Variants in TMEM217 observed in about 807,000 individuals in gnomAD.
The protein encoded by TMEM217 is chromosome 6 open reading frame 128.
For synonymous variants in TMEM217, 76 were observed against 88.3 expected, an observed-to-expected ratio of 0.86 and a Z score of 0.78; for missense variants, 204 against 248.8, an observed-to-expected ratio of 0.82 and a Z score of 1.21.
rs116597593 is a variant in TMEM217 at position 37,247,673 on chromosome 6, C to T, written c.-12+9895G>A. ...AGTGCTGGGATTACAGGCATGAACC[C>T]GGCAAGGGCAAACTATTAAGCCAAC... On this transcript the variant is annotated intron_variant, in intron 1 of 1. Coordinates refer to ENST00000357219, the Ensembl canonical transcript of TMEM217. 4.1e-3 allele frequency among the ~76,000 whole-genome samples: 620 copies of T among 152,052 alleles called. 1 individual carries two copies. Among genetic ancestry groups the T allele is most frequent in the African/African-American group, 0.014 (573 of 41,486 alleles).
chr6:37,223,423 C>T (rs1432297332), intron 1 of TMEM217, among the ~76,000 whole-genome samples: 1 of 152,194 alleles, frequency 6.6e-6, no homozygotes, highest in Non-Finnish European at 1.5e-5. Context: ...AAACAAAAAT[C>T]CCATGGAATA....
intron 1 of TMEM217, among the ~76,000 whole-genome samples, chr6:37,229,626 G>A (rs1352594855): frequency 6.6e-6 from 1 of 152,166 alleles, no homozygotes; most frequent in Non-Finnish European, 1.5e-5. Flanking sequence ...ACAGGCGTGA[G>A]CCACCGCGCC....
exon 2 of TMEM217, chr6:37,218,389 C>A: frequency 6.8e-7 from 1 of 1,480,898 alleles, no homozygotes; most frequent in Admixed American, 1.9e-5. Context: ...CAAGGCCAGG[C>A]TGGTCTTGAA....
intron 1 of TMEM217, among the ~76,000 whole-genome samples, chr6:37,226,744 AG>A (rs1763867765): frequency 6.6e-6 from 1 of 150,520 alleles, no homozygotes. Flanking sequence ...TTGTATTTTT[AG>A]TAGAGAGGGG....
At chr6:37,222,095 C>T (rs377169492) in intron 1 of TMEM217, among the ~76,000 whole-genome samples, 2 of 152,348 alleles carry the variant, frequency 1.3e-5, no homozygotes, top group South Asian at 4.1e-4. Flanking sequence ...ATCCTCTGCC[C>T]TGCTCTGGCT....
downstream of TMEM217, among the ~76,000 whole-genome samples, chr6:37,214,654 C>G (rs965008286): frequency 6.6e-6 from 1 of 152,346 alleles, no homozygotes; most frequent in Non-Finnish European, 1.5e-5. Context: ...TTTGCCTGCT[C>G]TAGGTGTCTC....
At chr6:37,254,573 C>G (rs1174208004) in intron 1 of TMEM217, among the ~76,000 whole-genome samples, 3 of 152,254 alleles carry the variant, frequency 2.0e-5, no homozygotes, top group Non-Finnish European at 4.4e-5. Flanking sequence ...AAAGTGGACA[C>G]ATCCTACTAG....
At chr6:37,215,255 C>A (rs1763120491), downstream of TMEM217, 1 of 1,613,730 alleles carries the variant, frequency 6.2e-7, no homozygotes, top group Non-Finnish European at 8.5e-7. Context: ...GCACTGGAGA[C>A]AGACAGGTAA....
At chr6:37,238,776 C>T (rs991428429) in intron 1 of TMEM217, among the ~76,000 whole-genome samples, 1 of 152,182 alleles carries the variant, frequency 6.6e-6, no homozygotes. Context: ...TTACTTTTTA[C>T]ATTTTATTGG....
chr6:37,245,678 A>G (rs1255352165), intron 1 of TMEM217, among the ~76,000 whole-genome samples: 2 of 152,208 alleles, frequency 1.3e-5, no homozygotes, highest in Non-Finnish European at 2.9e-5. Context: ...AACAGTGACA[A>G]TAAGGAAGAG....
In TMEM217 at chr6:37,228,401, C is replaced by T. The variant is rs1763964342; in HGVS notation, c.-11-9360G>A. On this transcript the variant is annotated intron_variant, in intron 1 of 1. Coordinates refer to ENST00000357219, the Ensembl canonical transcript of TMEM217. ...TGCAATTTTCACAAGAGTGAAACTC[C>T]ATCTCAAAAAATAATAATAAGGCCA... 3.3e-5 allele frequency among the ~76,000 whole-genome samples: 5 copies of T among 152,194 alleles called. No individual in the cohort carries two copies. In the South Asian group the frequency reaches 1.0e-3, roughly 32 times the overall value.
Position 37,243,242 on chromosome 6 carries a change from C to G in TMEM217, c.-12+14326G>C, listed in dbSNP as rs566808583. Among the ~76,000 whole-genome samples the G allele has an allele frequency of 6.6e-5, 10 of 152,344 alleles. No homozygotes were observed. The South Asian group carries it at 1.7e-3, about 25-fold the overall frequency. On this transcript the variant is annotated intron_variant, in intron 1 of 1. Transcript: ENST00000357219. ...TACTCTCTGTTTGCCCCTTCTTCCACTCTGAAACAGGGCGTTTAGTTATAA... is the reference window on the plus strand; with the variant it reads ...TACTCTCTGTTTGCCCCTTCTTCCAGTCTGAAACAGGGCGTTTAGTTATAA...
downstream of TMEM217, chr6:37,212,705 A>T (rs1302700574): frequency 1.6e-6 from 1 of 639,406 alleles, no homozygotes; most frequent in Non-Finnish European, 2.9e-6. Context: ...CACATGGCAT[A>T]GATCAGCAGC....
At position 37,257,815 on chromosome 6, in the gene TMEM217, CG is replaced by C. The variant is rs923170205; in HGVS notation, c.-260del. 26 of 1,311,824 alleles carry C rather than the reference CG, an allele frequency of 2.0e-5. No homozygotes were observed. In the African/African-American group the frequency reaches 2.6e-4, roughly 13 times the overall value. 81.3% of individuals were successfully genotyped at this position (1,311,824 alleles called of 1,614,324 possible). ...CCAGGAGCTGGGAGCGGGTGACCGG[CG>C]GCGGGGAAGCGGCCTGGGTTGGCCC... On this transcript the variant is annotated 5_prime_UTR_variant, in exon 1 of 2. Transcript: ENST00000357219.
At chr6:37,253,609 GCA>G (rs755546904) in intron 1 of TMEM217, among the ~76,000 whole-genome samples, 2 of 152,146 alleles carry the variant, frequency 1.3e-5, no homozygotes, top group Non-Finnish European at 2.9e-5. Context: ...GCCCAACATT[GCA>G]CAGTGCATTG....
intron 1 of TMEM217, among the ~76,000 whole-genome samples, chr6:37,236,635 C>T (rs1030323483): frequency 3.3e-5 from 5 of 150,786 alleles, no homozygotes; most frequent in African/African-American, 1.2e-4. Context: ...TCAGTTTGCT[C>T]ATCTTTAAAT....
intron 1 of TMEM217, among the ~76,000 whole-genome samples, chr6:37,235,849 C>G (rs1396748169): frequency 6.6e-6 from 1 of 152,128 alleles, no homozygotes; most frequent in Admixed American, 6.5e-5. Flanking sequence ...AAGCACTAAC[C>G]CATTTTGAAG....
At chr6:37,214,845 C>G (rs914689874), downstream of TMEM217, among the ~76,000 whole-genome samples, 4 of 152,200 alleles carry the variant, frequency 2.6e-5, no homozygotes, top group African/African-American at 9.7e-5. Flanking sequence ...AGGAGGGAGG[C>G]AGTGTGTTGT....
intron 1 of TMEM217, among the ~76,000 whole-genome samples, chr6:37,235,679 A>G (rs1483970383): frequency 6.6e-6 from 1 of 152,012 alleles, no homozygotes; most frequent in Non-Finnish European, 1.5e-5. Flanking sequence ...TGTATTTCTT[A>G]TGGTTCTGGA....
Sources: gnomAD v4.1 joint callset for allele counts (sites outside exome capture counted in the v4.1 genomes callset) on GRCh38, gnomAD v4.1.1 for gene constraint, MANE v1.5 for transcripts, NCBI Gene and HGNC (gene_info 2026-07-23, HGNC 2026-07-21) for gene names.